The following PTPRD variants were observed in gnomAD, a reference collection of about 807,000 sequenced individuals.
The protein encoded by PTPRD is receptor-type tyrosine-protein phosphatase delta.
In PTPRD, 34 loss-of-function variants were observed where a neutral mutation model predicts 214.5. The observed-to-expected ratio is 0.16, with a 90% confidence interval of 0.12 to 0.21. The LOEUF is 0.21. Ranked by LOEUF, PTPRD falls within the 10% of genes least tolerant of loss-of-function variation. The pLI is 1.00. For synonymous variants in PTPRD, 1,128 were observed against 845.7 expected (o/e 1.33, Z -5.79); for missense variants, 2,545 against 2,398.7 (o/e 1.06, Z -1.27).
At chr9:8,918,082 T>C (rs2098799264) in intron 11 of PTPRD, among the ~76,000 whole-genome samples, 1 of 152,164 alleles carries the variant, frequency 6.6e-6, no homozygotes, top group Admixed American at 6.5e-5. Flanking sequence ...GGGGAACCTC[T>C]ACCCAAAGTC....
intron 7 of PTPRD, among the ~76,000 whole-genome samples, chr9:9,709,258 G>C (rs1032703707): frequency 1.3e-5 from 2 of 151,766 alleles, no homozygotes; most frequent in African/African-American, 4.8e-5. Flanking sequence ...TGTGTATTTT[G>C]AAGTATTGTT....
intron 11 of PTPRD, among the ~76,000 whole-genome samples, chr9:9,003,878 G>T (rs895328644): frequency 1.3e-5 from 2 of 152,174 alleles, no homozygotes; most frequent in African/African-American, 4.8e-5. Context: ...ATAGGAACAT[G>T]ACAATGCATC....
intron 35 of PTPRD, among the ~76,000 whole-genome samples, chr9:8,414,827 C>G (rs191656303): frequency 2.0e-5 from 3 of 146,358 alleles, no homozygotes; most frequent in East Asian, 4.2e-4. Flanking sequence ...AACCATCAGT[C>G]AGGCATGTAC....
intron 10 of PTPRD, among the ~76,000 whole-genome samples, chr9:9,019,637 C>T (rs1401379298): frequency 6.6e-6 from 1 of 152,054 alleles, no homozygotes; most frequent in Non-Finnish European, 1.5e-5. Context: ...ACCCAGGAGG[C>T]GGAGGTTGCG....
At chr9:9,965,235 G>C (rs1232619979) in intron 4 of PTPRD, among the ~76,000 whole-genome samples, 1 of 152,132 alleles carries the variant, frequency 6.6e-6, no homozygotes, top group Admixed American at 6.6e-5. Flanking sequence ...TGGAACCTCA[G>C]GTTGGGGTGG....
At chr9:8,362,105 G>A (rs2078653979) in intron 39 of PTPRD, among the ~76,000 whole-genome samples, 1 of 152,196 alleles carries the variant, frequency 6.6e-6, no homozygotes, top group Non-Finnish European at 1.5e-5. Context: ...AGGCCACAAA[G>A]CTTCACTCTA....
At chr9:9,044,572 G>C (rs2099665223) in intron 10 of PTPRD, among the ~76,000 whole-genome samples, 1 of 152,200 alleles carries the variant, frequency 6.6e-6, no homozygotes, top group African/African-American at 2.4e-5. Context: ...TGTAAAAAGA[G>C]TGGCTGTCTA....
At chr9:9,336,294 G>A (rs2044451691) in intron 9 of PTPRD, among the ~76,000 whole-genome samples, 1 of 152,114 alleles carries the variant, frequency 6.6e-6, no homozygotes, top group Non-Finnish European at 1.5e-5. Context: ...ACAGATAAAA[G>A]AATGATACAC....
chr9:9,484,265 A>C (rs2095536709), intron 8 of PTPRD, among the ~76,000 whole-genome samples: 3 of 152,138 alleles, frequency 2.0e-5, no homozygotes, highest in African/African-American at 4.8e-5. Flanking sequence ...TGATGAATTC[A>C]AAAAATGTCA....
Position 8,352,407 on chromosome 9 carries a change from A to C in PTPRD, c.4662-10429T>G, listed in dbSNP as rs75217156. On this transcript the variant is annotated intron_variant, in intron 39 of 45. Coordinates refer to ENST00000381196, the MANE Select transcript of PTPRD (RefSeq NM_002839.4). ...AAGTTTAGAGAACTATATCATTCAC[A>C]CAGAGATTTTCCTTGTAAACCATAC... 6.1e-3 allele frequency among the ~76,000 whole-genome samples: 932 copies of C among 152,316 alleles called. 6 individuals carry two copies. The highest frequency in any genetic ancestry group is 0.013 in the Admixed American group (192 of 15,296).
At chr9:9,126,070 C>T (rs1052649268) in intron 10 of PTPRD, among the ~76,000 whole-genome samples, 1 of 152,086 alleles carries the variant, frequency 6.6e-6, no homozygotes, top group East Asian at 1.9e-4. Context: ...ATGAGATTTA[C>T]CCTGTTGGTG....
intron 5 of PTPRD, among the ~76,000 whole-genome samples, chr9:9,877,280 G>A (rs1214536955): frequency 6.6e-6 from 1 of 152,026 alleles, no homozygotes; most frequent in Non-Finnish European, 1.5e-5. Context: ...AACTGTCTTG[G>A]GACAAAATAA....
chr9:10,138,048 G>A (rs2098955244), intron 3 of PTPRD, among the ~76,000 whole-genome samples: 2 of 151,884 alleles, frequency 1.3e-5, no homozygotes, highest in Admixed American at 6.6e-5. Context: ...AATCAGAGAA[G>A]CACTGAAGAA....
intron 3 of PTPRD, among the ~76,000 whole-genome samples, chr9:10,213,826 T>C (rs567921043): frequency 1.2e-4 from 18 of 152,214 alleles, no homozygotes; most frequent in Non-Finnish European, 2.2e-4. Context: ...TCCTATATTA[T>C]CACCCTTAGT....
At chr9:8,638,288 AC>A (rs879616433) in intron 12 of PTPRD, among the ~76,000 whole-genome samples, 2 of 152,206 alleles carry the variant, frequency 1.3e-5, no homozygotes, top group Non-Finnish European at 2.9e-5. Flanking sequence ...TTGGTTCATC[AC>A]CAGTATCTTC....
intron 34 of PTPRD, among the ~76,000 whole-genome samples, chr9:8,436,936 G>A (rs2095374529): frequency 6.6e-6 from 1 of 152,166 alleles, no homozygotes; most frequent in Admixed American, 6.5e-5. Flanking sequence ...TAGTGTAAAA[G>A]AAAGCGTTAT....
At chr9:10,295,302 G>T (rs747039646) in intron 3 of PTPRD, among the ~76,000 whole-genome samples, 1 of 152,038 alleles carries the variant, frequency 6.6e-6, no homozygotes, top group Non-Finnish European at 1.5e-5. Context: ...AAGAGCAAGA[G>T]CCATAACACC....
At chr9:8,927,739 G>T (rs1043337372) in intron 11 of PTPRD, among the ~76,000 whole-genome samples, 1 of 152,088 alleles carries the variant, frequency 6.6e-6, no homozygotes, top group South Asian at 2.1e-4. Flanking sequence ...GGGATTGCTG[G>T]GTCAAATGGT....
chr9:10,167,698 G>T (rs1218439275), intron 3 of PTPRD, among the ~76,000 whole-genome samples: 1 of 152,082 alleles, frequency 6.6e-6, no homozygotes, highest in African/African-American at 2.4e-5. Context: ...TATCCATTTT[G>T]TTTCCCAGGA....
Sources: gnomAD v4.1 joint callset for allele counts (sites outside exome capture counted in the v4.1 genomes callset) on GRCh38, gnomAD v4.1.1 for gene constraint, MANE v1.5 for transcripts, NCBI Gene and HGNC (gene_info 2026-07-23, HGNC 2026-07-21) for gene names.